Variants in EXO1 observed in about 807,000 individuals in gnomAD.
EXO1 encodes the protein exonuclease 1.
In EXO1, 69 loss-of-function variants were observed where a neutral mutation model predicts 84.5. The ratio of observed to expected loss-of-function variants is 0.82; its 90% confidence interval spans 0.67 to 1.00. The LOEUF (loss-of-function observed/expected upper bound fraction) is 1.00. Ranked by LOEUF, EXO1 falls within the 50% of genes least tolerant of loss-of-function variation. The pLI is 0.00. For synonymous variants in EXO1, 373 were observed against 366.1 expected (o/e 1.02, Z -0.21); for missense variants, 1,045 against 1,000.7 (o/e 1.04, Z -0.60).
At chr1:241,862,138 A>G (rs557593705) in intron 10 of EXO1, among the ~76,000 whole-genome samples, 1 of 152,120 alleles carries the variant, frequency 6.6e-6, no homozygotes, top group Non-Finnish European at 1.5e-5. Context: ...GGATTTCTGC[A>G]TGTTGGCCAG....
At chr1:241,883,820 A>T (rs1463420177) in intron 14 of EXO1, among the ~76,000 whole-genome samples, 1 of 152,206 alleles carries the variant, frequency 6.6e-6, no homozygotes, top group Non-Finnish European at 1.5e-5. Context: ...GTCTGGAAAG[A>T]TACATGCAGA....
At chr1:241,850,271 C>T (rs1370924356) in intron 3 of EXO1, 138 bp from the exon 4 acceptor site, 4 of 619,648 alleles carry the variant, frequency 6.5e-6, no homozygotes, top group Non-Finnish European at 1.1e-5. Context: ...AAGAGCGAGA[C>T]TCCGTCTCAA....
intron 11 of EXO1, among the ~76,000 whole-genome samples, chr1:241,870,689 A>G (rs1220368508): frequency 1.3e-5 from 2 of 152,214 alleles, no homozygotes; most frequent in East Asian, 3.8e-4. Flanking sequence ...TCCTCTTACA[A>G]TAATCTTAAT....
chr1:241,866,965 A>T lies in EXO1; in HGVS notation c.1177A>T (p.Asn393Tyr), dbSNP rs760362865. The T allele has an allele frequency of 2.5e-6, 4 of 1,614,116 alleles. No individual in the cohort carries two copies. The East Asian group carries it at 8.9e-5, about 36-fold the overall frequency. ...TTCAGATGCCCCACAATTGAAGGAA[A>T]ATCCAAGTACTGTGGGAGTGGAACG... ...TVSDAPQLKE[N>Y]PSTVGVERVI... Residue 393 changes from asparagine to tyrosine, a missense_variant, in exon 11 of 16, where the codon AAT (asparagine) becomes TAT (tyrosine). Transcript: ENST00000366548.
rs1662126815 is a variant in EXO1 at position 241,872,018 on chromosome 1, T to G, written c.1268-14T>G. Reference sequence around the variant, plus strand: ...GTGAAACAAAGATTTACAGATAATTTTGTTTTTATTTAGCAGAGCTGTCAG... The same window carrying G: ...GTGAAACAAAGATTTACAGATAATTGTGTTTTTATTTAGCAGAGCTGTCAG... On this transcript the variant is annotated splice_polypyrimidine_tract_variant and intron_variant, in intron 11 of 15. Coordinates refer to ENST00000366548, the MANE Select transcript of EXO1 (RefSeq NM_130398.4). 1 of 1,610,112 alleles carries G rather than the reference T, an allele frequency of 6.2e-7. No homozygotes were observed. The highest frequency in any genetic ancestry group is 1.3e-5 in the African/African-American group (1 of 74,800).
rs749231655 is a variant in EXO1, at chr1:241,857,374, C to G, written c.435C>G (p.Leu145=). The G allele has an allele frequency of 3.9e-5, 63 of 1,613,766 alleles. No homozygotes were observed. Among genetic ancestry groups the G allele is most frequent in the Non-Finnish European group, 5.0e-5 (59 of 1,179,910 alleles). The change falls in exon 7 of 16, where the codon CTC becomes CTG. Residue 145 remains leucine, a synonymous_variant. Transcript: ENST00000366548. ...CCCGGTCTCAGGGGGTAGATTGCCT[C>G]GTGGCTCCCTATGAAGCTGATGCGC... ...KAARSQGVDC[L]VAPYEADAQL... is the part of the protein sequence containing the mutation.
intron 6 of EXO1, among the ~76,000 whole-genome samples, chr1:241,854,283 A>G (rs1660834536): frequency 6.6e-6 from 1 of 152,122 alleles, no homozygotes; most frequent in Non-Finnish European, 1.5e-5. Flanking sequence ...GATTACAGGC[A>G]TGTGCCACCA....
Position 241,860,504 on chromosome 1 carries a change from C to T in EXO1, c.757-13C>T. On this transcript the variant is annotated splice_polypyrimidine_tract_variant and intron_variant, in intron 8 of 15. Transcript: ENST00000366548. ...TTTAGTTGCAGATAAAATATTTTTG[C>T]ATGCATTGTTAGGTTATCAAGAAAA... The T allele has an allele frequency of 1.3e-6, 2 of 1,590,310 alleles. No homozygotes were observed. The highest frequency in any genetic ancestry group is 1.7e-6 in the Non-Finnish European group (2 of 1,158,426).
intron 13 of EXO1, among the ~76,000 whole-genome samples, chr1:241,880,674 A>T (rs1281570527): frequency 6.6e-6 from 1 of 152,268 alleles, no homozygotes; most frequent in Non-Finnish European, 1.5e-5. Flanking sequence ...GACAGTTGAC[A>T]TGAAAATCAT....
intron 15 of EXO1, among the ~76,000 whole-genome samples, chr1:241,886,311 AT>A (rs1161320609): frequency 6.6e-6 from 1 of 152,218 alleles, no homozygotes; most frequent in Non-Finnish European, 1.5e-5. Flanking sequence ...CATCTTCTAT[AT>A]AGTTAAATTT....
At chr1:241,880,479 T>C (rs1005184120) in intron 13 of EXO1, among the ~76,000 whole-genome samples, 7 of 152,244 alleles carry the variant, frequency 4.6e-5, no homozygotes, top group African/African-American at 1.7e-4. Context: ...CCACATTTTG[T>C]CTTCTGGGCT....
intron 10 of EXO1, among the ~76,000 whole-genome samples, chr1:241,864,657 G>T (rs1297290166): frequency 6.6e-6 from 1 of 152,110 alleles, no homozygotes; most frequent in African/African-American, 2.4e-5. Context: ...GGTGGAATTG[G>T]CTTCTCTTTG....
rs370369190 is a variant in EXO1, at chr1:241,882,001, C to T, written c.2195C>T (p.Thr732Ile). Residue 732 changes from threonine to isoleucine, a missense_variant, in exon 14 of 16, where the codon ACA becomes ATA. Thr to Ile is a moderately conservative substitution (Grantham distance 89, BLOSUM62 -1). Transcript: ENST00000366548. The stretch of plus-strand genomic sequence containing the variant: ...TTATCTCATTTCTCAAAAAAAGACA[C>T]ACCTCTAAGGAACAAGGTAAAACAT... ...LRLSHFSKKD[T>I]PLRNKVPGLY... The T allele has an allele frequency of 1.1e-4, 170 of 1,527,498 alleles. No individual in the cohort carries two copies. Among genetic ancestry groups the T allele is most frequent in the Non-Finnish European group, 1.4e-4 (151 of 1,102,840 alleles). 94.6% of individuals were successfully genotyped at this position (1,527,498 alleles called of 1,614,324 possible).
Position 241,853,488 on chromosome 1 carries a change from C to G in EXO1, c.405+7C>G. The G allele has an allele frequency of 6.2e-7, 1 of 1,613,798 alleles. No homozygotes were observed. On this transcript the variant is annotated splice_region_variant and intron_variant, in intron 6 of 15. Transcript: ENST00000366548. ...GGCCCACAAAGTAATTAAAGTAAGA[C>G]AAAGGGGCAGATGGGCAAGTTCACC...
At chr1:241,876,031 C>T (rs891909639) in intron 12 of EXO1, among the ~76,000 whole-genome samples, 2 of 152,158 alleles carry the variant, frequency 1.3e-5, no homozygotes, top group African/African-American at 4.8e-5. Flanking sequence ...TTGGAGACAA[C>T]AAATGAGAAT....
intron 6 of EXO1, 118 bp downstream of exon 6, chr1:241,853,599 C>A: frequency 9.7e-7 from 1 of 1,032,480 alleles, no homozygotes. Context: ...AAGTAAAGGG[C>A]AGATGTCAGA....
In EXO1 at chr1:241,860,599, A is replaced by G. The variant is rs200754492; in HGVS notation, c.839A>G (p.Asn280Ser). 163 of 1,613,924 alleles carry G rather than the reference A, an allele frequency of 1.0e-4. No individual in the cohort carries two copies. Among genetic ancestry groups the G allele is most frequent in the Middle Eastern group, 1.6e-4 (1 of 6,062 alleles). ...DYINGFIRANNTFLYQLVFDP... is the reference protein window; with the variant it reads ...DYINGFIRANSTFLYQLVFDP... ...ATCAACGGGTTTATTCGGGCCAACA[A>G]TACCTTCCTCTATCAGCTAGTTTTT... The change falls in exon 9 of 16, where the codon AAT becomes AGT. Residue 280 changes from asparagine (N) to serine (S), a missense_variant. Coordinates refer to ENST00000366548, the MANE Select transcript of EXO1 (RefSeq NM_130398.4).
intron 11 of EXO1, among the ~76,000 whole-genome samples, chr1:241,870,826 T>A (rs1320502835): frequency 1.3e-5 from 2 of 152,224 alleles, no homozygotes; most frequent in Non-Finnish European, 2.9e-5. Context: ...GTACGTTTGC[T>A]TATATAATGT....
intron 15 of EXO1, among the ~76,000 whole-genome samples, chr1:241,887,385 A>G (rs956850586): frequency 2.6e-5 from 4 of 152,234 alleles, no homozygotes; most frequent in African/African-American, 9.6e-5. Context: ...TACATGTAAC[A>G]TCATGAGTTG....
Sources: allele counts gnomAD v4.1 joint callset (sites outside exome capture counted in the v4.1 genomes callset), GRCh38; gene constraint gnomAD v4.1.1; transcripts MANE v1.5; gene names NCBI Gene and HGNC (gene_info 2026-07-23, HGNC 2026-07-21).